Variants in ATP8A2 observed in about 807,000 individuals in gnomAD.
ATP8A2 encodes ATPase phospholipid transporting 8A2.
A neutral mutation model predicts 165.6 loss-of-function variants in ATP8A2; 100 were observed. The ratio of observed to expected loss-of-function variants is 0.60; its 90% CI spans 0.51 to 0.71. ATP8A2 has a LOEUF of 0.71. Among genes scored for constraint, ATP8A2 ranks in the 30% least tolerant of loss-of-function variants. The pLI, the probability that ATP8A2 is intolerant of heterozygous loss-of-function variation, is 0.00. For missense variants in ATP8A2, 1,227 were observed against 1,479.5 expected, an observed-to-expected ratio of 0.83 and a Z score of 2.80; for synonymous variants, 543 against 548.8, an observed-to-expected ratio of 0.99 and a Z score of 0.15.
At chr13:25,587,313 T>C (rs1287273411) in intron 23 of ATP8A2, among the ~76,000 whole-genome samples, 1 of 152,226 alleles carries the variant, frequency 6.6e-6, no homozygotes, top group East Asian at 1.9e-4. Flanking sequence ...CTCACTTCCG[T>C]ATCCAAACTA....
intron 16 of ATP8A2, chr13:25,567,385 C>T (rs1440333207): frequency 1.3e-5 from 6 of 456,574 alleles, no homozygotes; most frequent in African/African-American, 4.0e-5. Flanking sequence ...AGGAAGAAAT[C>T]CCACTGTTTA....
intron 1 of ATP8A2, among the ~76,000 whole-genome samples, chr13:25,388,813 C>A (rs1009552434): frequency 2.0e-5 from 3 of 152,116 alleles, no homozygotes; most frequent in African/African-American, 7.2e-5. Context: ...AGTGACACGG[C>A]CAGCAATGGG....
At chr13:25,818,877 C>A (rs1266031864) in intron 27 of ATP8A2, among the ~76,000 whole-genome samples, 2 of 152,048 alleles carry the variant, frequency 1.3e-5, no homozygotes, top group African/African-American at 2.4e-5. Flanking sequence ...GATAACAATA[C>A]AATAAAAATT....
chr13:25,566,515 A>G (rs1019433601), intron 16 of ATP8A2, among the ~76,000 whole-genome samples: 3 of 152,162 alleles, frequency 2.0e-5, no homozygotes, highest in African/African-American at 4.8e-5. Flanking sequence ...TCAAGTTAGG[A>G]TGGTGAATGG....
At position 25,589,648 on chromosome 13, in the gene ATP8A2, A is replaced by C. The variant is rs1470389801; in HGVS notation, c.2160A>C (p.Arg720=). ...CCTCCACTTCAGGGTATTCCTGCCG[A>C]TTGGTATCGCAGAATATGGCCCTTA... ...ETAINIGYSC[R]LVSQNMALIL... is the part of the protein sequence containing the mutation. The change falls in exon 24 of 37, where the codon CGA becomes CGC. Residue 720 remains arginine, a synonymous_variant. Transcript: ENST00000381655. 1 of 1,611,920 alleles carries C rather than the reference A, an allele frequency of 6.2e-7. No individual in the cohort carries two copies.
At chr13:25,837,470 C>T (rs932952845) in intron 29 of ATP8A2, among the ~76,000 whole-genome samples, 185 bp downstream of exon 29, 12 of 127,464 alleles carry the variant, frequency 9.4e-5, no homozygotes, top group Middle Eastern at 4.2e-3. Flanking sequence ...CACACACACA[C>T]GCCACAAACC....
At chr13:25,389,725 A>G (rs1318661565) in intron 1 of ATP8A2, among the ~76,000 whole-genome samples, 1 of 152,216 alleles carries the variant, frequency 6.6e-6, no homozygotes, top group East Asian at 1.9e-4. Context: ...ACCTGGATTC[A>G]TAGTTGTGGA....
At position 25,571,353 on chromosome 13, in the gene ATP8A2, G is replaced by A. The variant is rs1223286669; in HGVS notation, c.1580-257G>A. ...CATTGGAGAGAACTTGATCCCAAGC[G>A]AGAATAGCAGGAATAGAAATCATTC... On this transcript the variant is annotated intron_variant, in intron 17 of 36. Transcript: ENST00000381655. 2.0e-5 allele frequency among the ~76,000 whole-genome samples: 3 copies of A among 152,192 alleles called. No homozygotes were observed. The East Asian group carries it at 5.8e-4, about 29-fold the overall frequency.
At chr13:25,678,370 A>G (rs1317235679) in intron 24 of ATP8A2, among the ~76,000 whole-genome samples, 1 of 152,072 alleles carries the variant, frequency 6.6e-6, no homozygotes, top group Non-Finnish European at 1.5e-5. Flanking sequence ...CAGGTGGAGG[A>G]TATGGCCGGG....
At chr13:25,994,817 A>G (rs1213530338) in intron 35 of ATP8A2, among the ~76,000 whole-genome samples, 1 of 152,056 alleles carries the variant, frequency 6.6e-6, no homozygotes, top group Non-Finnish European at 1.5e-5. Flanking sequence ...TGTAAGGTAC[A>G]TTGGACTGGG....
intron 24 of ATP8A2, among the ~76,000 whole-genome samples, chr13:25,596,939 T>C (rs893548334): frequency 6.6e-6 from 1 of 152,240 alleles, no homozygotes; most frequent in African/African-American, 2.4e-5. Flanking sequence ...GTTTTAATTT[T>C]AGCCATTCTA....
At chr13:25,564,290 A>G (rs2039248630) in intron 16 of ATP8A2, among the ~76,000 whole-genome samples, 3 of 152,210 alleles carry the variant, frequency 2.0e-5, no homozygotes, top group Non-Finnish European at 2.9e-5. Flanking sequence ...TAATTCTGTA[A>G]CAGTTCCAAT....
intron 1 of ATP8A2, among the ~76,000 whole-genome samples, chr13:25,465,878 G>T (rs563824366): frequency 6.7e-6 from 1 of 150,208 alleles, no homozygotes; most frequent in African/African-American, 2.5e-5. Context: ...TCCCAACTTG[G>T]CCTCCCAAAG....
chr13:25,391,135 G>A (rs913003162), intron 1 of ATP8A2, among the ~76,000 whole-genome samples: 2 of 152,150 alleles, frequency 1.3e-5, no homozygotes, highest in Admixed American at 6.5e-5. Flanking sequence ...GCATAAGGCA[G>A]AACAGAATGA....
At chr13:25,895,222 T>G (rs549951791) in intron 33 of ATP8A2, among the ~76,000 whole-genome samples, 45 of 152,290 alleles carry the variant, frequency 3.0e-4, no homozygotes, top group African/African-American at 1.0e-3. Flanking sequence ...AATACCTAAT[T>G]TATTGAGAGT....
chr13:25,672,079 C>T (rs2042276897), intron 24 of ATP8A2, among the ~76,000 whole-genome samples: 2 of 152,212 alleles, frequency 1.3e-5, no homozygotes, highest in South Asian at 2.1e-4. Context: ...CCCAATAGAG[C>T]AGCGTACTAT....
chr13:25,846,851 C>T (rs886778650), intron 30 of ATP8A2, among the ~76,000 whole-genome samples: 2 of 152,144 alleles, frequency 1.3e-5, no homozygotes, highest in African/African-American at 4.8e-5. Context: ...TCCCCTTCTC[C>T]ACCTGGTTGC....
chr13:25,969,024 A>C (rs1218926736), intron 35 of ATP8A2, among the ~76,000 whole-genome samples: 1 of 152,234 alleles, frequency 6.6e-6, no homozygotes, highest in Non-Finnish European at 1.5e-5. Flanking sequence ...TTGAATTTCA[A>C]ACCCAAGTAC....
intron 27 of ATP8A2, 39 bp downstream of exon 27, chr13:25,774,998 T>G (rs747764969): frequency 1.7e-6 from 2 of 1,164,424 alleles, no homozygotes; most frequent in South Asian, 2.6e-5. Context: ...GAGAAAGTTC[T>G]TTTAAGAGGA....
Sources: allele counts gnomAD v4.1 joint callset (sites outside exome capture counted in the v4.1 genomes callset), GRCh38; gene constraint gnomAD v4.1.1; transcripts MANE v1.5; gene names NCBI Gene and HGNC (gene_info 2026-07-23, HGNC 2026-07-21).